Variants in ELFN1 observed in about 807,000 individuals in gnomAD.
ELFN1 encodes the protein extracellular leucine rich repeat and fibronectin type III domain containing 1.
Under a neutral mutation model 7.6 loss-of-function variants are expected in ELFN1, and 6 were observed. The observed-to-expected ratio is 0.79, with a 90% CI of 0.43 to 1.56. The LOEUF (loss-of-function observed/expected upper bound fraction) is 1.56. Ranked by LOEUF, ELFN1 falls within the 40% of genes most tolerant of loss-of-function variation. The pLI, the probability that ELFN1 is intolerant of heterozygous loss-of-function variation, is 0.01. For missense variants in ELFN1, 1,169 were observed against 1,232.2 expected (o/e 0.95, Z 0.77); for synonymous variants, 657 against 588.1 (o/e 1.12, Z -1.70).
At chr7:1,686,736 C>A (rs1228012717) in intron 1 of ELFN1, among the ~76,000 whole-genome samples, 1 of 152,166 alleles carries the variant, frequency 6.6e-6, no homozygotes, top group African/African-American at 2.4e-5. Flanking sequence ...TGCCTACAGG[C>A]TTTCAGCAGG....
Position 1,673,697 on chromosome 7 carries a change from C to T in ELFN1, c.-549+3343C>T, listed in dbSNP as rs1167929006. On this transcript the variant is annotated intron_variant, in intron 1 of 3. Coordinates refer to ENST00000424383, the MANE Select transcript of ELFN1 (RefSeq NM_001128636.4). The surrounding 1 kb of genome is among the most constrained non-coding windows in gnomAD (Gnocchi z 4.7). ...GCCTGGCTGCCTTGGAGCTGGCATC[C>T]CCAGATGGAAAGACAATGGTCTCAC... is the stretch of plus-strand genomic sequence containing the variant. Among the ~76,000 whole-genome samples the T allele has an allele frequency of 6.6e-6, 1 of 152,206 alleles. No homozygotes were observed. The highest frequency in any genetic ancestry group is 1.5e-5 in the Non-Finnish European group (1 of 68,034).
chr7:1,676,160 G>C (rs1174357348), intron 1 of ELFN1, among the ~76,000 whole-genome samples: 1 of 152,204 alleles, frequency 6.6e-6, no homozygotes, highest in African/African-American at 2.4e-5. Context: ...AAGGGTGCTG[G>C]TAGTGGCTCC....
chr7:1,745,642 A>T lies in ELFN1; in HGVS notation c.1046A>T (p.Asn349Ile). 2 of 1,551,154 alleles carry T rather than the reference A, an allele frequency of 1.3e-6. No individual in the cohort carries two copies. Among genetic ancestry groups the T allele is most frequent in the Non-Finnish European group, 8.7e-7 (1 of 1,146,980 alleles). Reference protein sequence around the residue: ...FHRMYTLEHFNNSKASTVSRL... With the variant: ...FHRMYTLEHFINSKASTVSRL... ...CGGATGTACACCCTGGAGCATTTCA[A>T]CAACAGCAAGGCCTCCACCGTGTCC... Residue 349 changes from asparagine to isoleucine, a missense_variant, in exon 4 of 4, where the codon AAC becomes ATC. Physicochemically the swap from Asn to Ile is moderately radical, Grantham distance 149. Coordinates refer to ENST00000424383, the MANE Select transcript of ELFN1 (RefSeq NM_001128636.4).
intron 3 of ELFN1, among the ~76,000 whole-genome samples, chr7:1,710,432 G>A (rs1779625126): frequency 6.6e-6 from 1 of 152,172 alleles, no homozygotes; most frequent in South Asian, 2.1e-4. Flanking sequence ...CATTTCCCAG[G>A]CTCTATCCTG....
rs1029428858 is a variant in ELFN1, at chr7:1,681,846, G to A, written c.-548-6212G>A. Among the ~76,000 whole-genome samples, 6 of 152,298 alleles carry A rather than the reference G, an allele frequency of 3.9e-5. No homozygotes were observed. In the South Asian group the frequency reaches 6.2e-4, roughly 16 times the overall value. Reference sequence around the variant, plus strand: ...TTAAATTTGCATTTTCCGAATGACCGATGAAGTTGAACATCTTTTCATGTG... The same window carrying A: ...TTAAATTTGCATTTTCCGAATGACCAATGAAGTTGAACATCTTTTCATGTG... On this transcript the variant is annotated intron_variant, in intron 1 of 3. Coordinates refer to ENST00000424383, the MANE Select transcript of ELFN1 (RefSeq NM_001128636.4).
intron 2 of ELFN1, among the ~76,000 whole-genome samples, chr7:1,689,323 C>A (rs1779113929): frequency 6.6e-6 from 1 of 152,212 alleles, no homozygotes; most frequent in Non-Finnish European, 1.5e-5. Flanking sequence ...ATTGCACAGG[C>A]TTGTAGTCAC....
At chr7:1,706,603 A>T (rs1779535573) in intron 2 of ELFN1, among the ~76,000 whole-genome samples, 1 of 152,150 alleles carries the variant, frequency 6.6e-6, no homozygotes, top group Non-Finnish European at 1.5e-5. Context: ...TGTGTGTTAG[A>T]TCACCAGTGA....
chr7:1,670,389 G>A lies in ELFN1; in HGVS notation c.-549+35G>A. ...GAGCGCGGCCGGGCGCTGAACCTGG[G>A]GGACTTGGGACCCGGACCACCCCCG... On this transcript the variant is annotated intron_variant, in intron 1 of 3. Coordinates refer to ENST00000424383, the MANE Select transcript of ELFN1 (RefSeq NM_001128636.4). The surrounding 1 kb of genome is among the most constrained non-coding windows in gnomAD (Gnocchi z 6.4). Among the ~76,000 whole-genome samples, 1 of 151,566 alleles carries A rather than the reference G, an allele frequency of 6.6e-6. No individual in the cohort carries two copies. The highest frequency in any genetic ancestry group is 1.5e-5 in the Non-Finnish European group (1 of 67,820).
intron 2 of ELFN1, among the ~76,000 whole-genome samples, chr7:1,691,479 C>G (rs1402793870): frequency 1.3e-5 from 2 of 152,188 alleles, no homozygotes; most frequent in Non-Finnish European, 2.9e-5. Context: ...CGCTGTGGTC[C>G]CTGATGTTAG....
At chr7:1,696,966 A>G (rs1295250635) in intron 2 of ELFN1, among the ~76,000 whole-genome samples, 1 of 152,194 alleles carries the variant, frequency 6.6e-6, no homozygotes, top group Non-Finnish European at 1.5e-5. Flanking sequence ...ACTAGCAGGG[A>G]CTGCTCGTCC....
In ELFN1 at chr7:1,730,484, G is replaced by A. The variant is rs185385286; in HGVS notation, c.-293-13820G>A. 3.9e-5 allele frequency among the ~76,000 whole-genome samples: 6 copies of A among 152,228 alleles called. No homozygotes were observed. In the East Asian group the frequency reaches 9.6e-4, roughly 24 times the overall value. On this transcript the variant is annotated intron_variant, in intron 3 of 3. Transcript: ENST00000424383. The stretch of plus-strand genomic sequence containing the variant: ...ACAGAATATCACAGAGATAAGAATC[G>A]GCCATGATTATGTAGAAGTTATACA...
chr7:1,677,849 G>C (rs1392994730), intron 1 of ELFN1, among the ~76,000 whole-genome samples: 2 of 152,056 alleles, frequency 1.3e-5, no homozygotes, highest in African/African-American at 2.4e-5. Flanking sequence ...AGCTCCCGCG[G>C]GTTCCTGGTG....
Position 1,747,383 on chromosome 7 carries a change from G to A in ELFN1, c.*300G>A, listed in dbSNP as rs562079004. 7.5e-6 allele frequency: 2 copies of A among 265,266 alleles called. No individual in the cohort carries two copies. Among genetic ancestry groups the A allele is most frequent in the Non-Finnish European group, 7.4e-6 (1 of 135,520 alleles). 16.4% of individuals were successfully genotyped at this position (265,266 alleles called of 1,614,324 possible). A position where few individuals can be genotyped will look rare whatever the true frequency, so the allele number is the denominator to read the frequency against. On this transcript the variant is annotated 3_prime_UTR_variant, in exon 4 of 4. Coordinates refer to ENST00000424383, the MANE Select transcript of ELFN1 (RefSeq NM_001128636.4). Reference sequence around the variant, plus strand: ...CTTAGGGATGGGGGGTGGGGGTGGGGATTTTTTTTTCATTATCTTTCCTCT... The same window carrying A: ...CTTAGGGATGGGGGGTGGGGGTGGGAATTTTTTTTTCATTATCTTTCCTCT...
intron 2 of ELFN1, among the ~76,000 whole-genome samples, chr7:1,708,130 GC>G (rs1434967845): frequency 6.6e-6 from 1 of 152,076 alleles, no homozygotes; most frequent in Non-Finnish European, 1.5e-5. Context: ...TTCCCCTCCT[GC>G]CCTCCAGATG....
intron 2 of ELFN1, among the ~76,000 whole-genome samples, chr7:1,706,429 C>T (rs757321736): frequency 2.4e-4 from 19 of 77,744 alleles, no homozygotes; most frequent in Admixed American, 1.8e-3. Flanking sequence ...CTCAAAAAAA[C>T]AAAACAAAAC....
At chr7:1,681,517 C>T (rs1778974783) in intron 1 of ELFN1, among the ~76,000 whole-genome samples, 1 of 152,202 alleles carries the variant, frequency 6.6e-6, no homozygotes, top group Non-Finnish European at 1.5e-5. Flanking sequence ...CACGCACCAC[C>T]ATGCCCAGCT....
At position 1,746,226 on chromosome 7, in the gene ELFN1, C is replaced by T; in HGVS notation, c.1630C>T (p.Pro544Ser). ...PERRDCELGR[P>S]GPDSQSSVAE... ...ACGCAGGGACTGTGAGCTGGGCCGG[C>T]CGGGCCCCGACAGCCAGAGTTCGGT... Residue 544 changes from proline to serine, a missense_variant, in exon 4 of 4, where the codon CCG becomes TCG. Transcript: ENST00000424383. The T allele has an allele frequency of 6.4e-7, 1 of 1,561,068 alleles. No individual in the cohort carries two copies. Among genetic ancestry groups the T allele is most frequent in the Admixed American group, 1.9e-5 (1 of 52,326 alleles).
Position 1,689,621 on chromosome 7 carries a change from A to G in ELFN1, c.-456+1471A>G, listed in dbSNP as rs560756615. Among the ~76,000 whole-genome samples the G allele has an allele frequency of 1.8e-4, 28 of 152,316 alleles. No individual in the cohort carries two copies. The South Asian group carries it at 3.5e-3, about 19-fold the overall frequency. On this transcript the variant is annotated intron_variant, in intron 2 of 3. Transcript: ENST00000424383. ...GGAATTGGTGACAAGGGAAAAGCAT[A>G]TCCTGTCTCCTTATTTTTAATCATG...
In ELFN1 at chr7:1,695,895, A is replaced by G. The variant is rs1779296914; in HGVS notation, c.-456+7745A>G. ...AAGTCTGTTTCCTCCTGGAGTGTGC[A>G]TTTATTAAATACCTACTGTATGCCG... On this transcript the variant is annotated intron_variant, in intron 2 of 3. Coordinates refer to ENST00000424383, the MANE Select transcript of ELFN1 (RefSeq NM_001128636.4). The surrounding 1 kb of genome is among the most constrained non-coding windows in gnomAD (Gnocchi z 5.1). Among the ~76,000 whole-genome samples, 1 of 151,926 alleles carries G rather than the reference A, an allele frequency of 6.6e-6. No individual in the cohort carries two copies. Among genetic ancestry groups the G allele is most frequent in the South Asian group, 2.1e-4 (1 of 4,820 alleles).
Sources: allele counts gnomAD v4.1 joint callset (sites outside exome capture counted in the v4.1 genomes callset), GRCh38; gene constraint gnomAD v4.1.1; non-coding constraint Gnocchi (gnomAD v3.1); transcripts MANE v1.5; gene names NCBI Gene and HGNC (gene_info 2026-07-23, HGNC 2026-07-21).